PIK3C3: variants seen among roughly 807,000 people sequenced by gnomAD.
PIK3C3 encodes the protein PI3-kinase type 3.
In PIK3C3, 95 loss-of-function variants were observed where a neutral mutation model predicts 126.1. That is an observed-to-expected ratio of 0.75 (90% CI 0.64 to 0.89). PIK3C3 has a LOEUF of 0.89. Among genes scored for constraint, PIK3C3 ranks in the 40% least tolerant of loss-of-function variants. PIK3C3 has a pLI of 0.00. For synonymous variants in PIK3C3, 374 were observed against 360.0 expected (o/e 1.04, Z -0.44); for missense variants, 829 against 1,063.2 (o/e 0.78, Z 3.06).
intron 9 of PIK3C3, among the ~76,000 whole-genome samples, chr18:42,003,026 G>A (rs945319071): frequency 2.2e-4 from 34 of 152,168 alleles, no homozygotes; most frequent in African/African-American, 7.5e-4. Context: ...GTGGACCTGA[G>A]TTCTACATCT....
At position 41,995,460 on chromosome 18, in the gene PIK3C3, C is replaced by T. The variant is rs114945288; in HGVS notation, c.787-430C>T. Among the ~76,000 whole-genome samples the T allele has an allele frequency of 2.1e-3, 316 of 152,196 alleles. 2 individuals carry two copies. Among genetic ancestry groups the T allele is most frequent in the African/African-American group, 7.3e-3 (304 of 41,524 alleles). ...ATATTCAAGCGTTGTGATTATTGTC[C>T]TTGCCCTCAGTAACTGATAGCTTAA... is the stretch of plus-strand genomic sequence containing the variant. On this transcript the variant is annotated intron_variant, in intron 7 of 24. Coordinates refer to ENST00000262039, the MANE Select transcript of PIK3C3 (RefSeq NM_002647.4).
chr18:41,995,646 A>G (rs911865880), intron 7 of PIK3C3, among the ~76,000 whole-genome samples: 2 of 152,126 alleles, frequency 1.3e-5, no homozygotes, highest in African/African-American at 4.8e-5. Context: ...GAGTGAAGGG[A>G]CGATGTTTTA....
intron 21 of PIK3C3, chr18:42,050,671 A>G (rs1984762798): frequency 6.6e-6 from 1 of 152,238 alleles, no homozygotes; most frequent in South Asian, 2.1e-4. Flanking sequence ...TCCAAAATAG[A>G]TCATGAAGTT....
At chr18:42,014,445 G>A (rs1403904277) in intron 11 of PIK3C3, among the ~76,000 whole-genome samples, 5 of 152,170 alleles carry the variant, frequency 3.3e-5, no homozygotes, top group Non-Finnish European at 7.3e-5. Context: ...ACATTATCGT[G>A]TTACAACTGT....
At chr18:41,958,964 A>C (rs1979937564) in intron 2 of PIK3C3, among the ~76,000 whole-genome samples, 1 of 152,192 alleles carries the variant, frequency 6.6e-6, no homozygotes, top group South Asian at 2.1e-4. Context: ...TCTGTTTTTA[A>C]AGCATAACTA....
intron 14 of PIK3C3, among the ~76,000 whole-genome samples, chr18:42,028,804 A>G (rs1363661361): frequency 2.0e-5 from 3 of 152,238 alleles, no homozygotes; most frequent in Non-Finnish European, 4.4e-5. Flanking sequence ...ATAATATTTT[A>G]TGAACTAGGA....
intron 21 of PIK3C3, among the ~76,000 whole-genome samples, chr18:42,056,225 A>G (rs895785234): frequency 6.6e-6 from 1 of 152,170 alleles, no homozygotes; most frequent in Non-Finnish European, 1.5e-5. Flanking sequence ...TTGAAAATAC[A>G]TGGCTATTTA....
chr18:41,976,809 G>A (rs1980943571), intron 4 of PIK3C3, among the ~76,000 whole-genome samples: 1 of 152,128 alleles, frequency 6.6e-6, no homozygotes, highest in Non-Finnish European at 1.5e-5. Context: ...TGGGACTTAT[G>A]CACTACATTG....
At chr18:42,076,207 TGCAC>T (rs1986025502) in intron 24 of PIK3C3, among the ~76,000 whole-genome samples, 1 of 141,956 alleles carries the variant, frequency 7.0e-6, no homozygotes, top group African/African-American at 2.7e-5. Flanking sequence ...CATATATATA[TGCAC>T]ATATATATAT....
At chr18:41,987,921 T>C in intron 5 of PIK3C3, 23 bp downstream of exon 5, 1 of 1,317,720 alleles carries the variant, frequency 7.6e-7, no homozygotes, top group South Asian at 1.4e-5. Flanking sequence ...ACTCTTTTAT[T>C]TTAAAATATT....
chr18:42,046,173 A>T (rs1984549628), intron 20 of PIK3C3, among the ~76,000 whole-genome samples: 1 of 152,136 alleles, frequency 6.6e-6, no homozygotes, highest in African/African-American at 2.4e-5. Context: ...AACATTTCAC[A>T]TGTATTCATT....
At chr18:41,986,788 A>T (rs1055815180) in intron 4 of PIK3C3, among the ~76,000 whole-genome samples, 2 of 152,102 alleles carry the variant, frequency 1.3e-5, no homozygotes, top group African/African-American at 4.8e-5. Context: ...AAATTACCTC[A>T]CATGAAAGGG....
rs1458381648 is a variant in PIK3C3, at chr18:42,008,660, C to T, written c.1170+4119C>T. Among the ~76,000 whole-genome samples, 7 of 151,782 alleles carry T rather than the reference C, an allele frequency of 4.6e-5. No homozygotes were observed. The East Asian group carries it at 1.4e-3, about 29-fold the overall frequency. On this transcript the variant is annotated intron_variant, in intron 10 of 24. Transcript: ENST00000262039. ...CTCTTGGGAAGTATTTACAGAATTGCCTGAGATGGAAGCCTGGTTTTTTTT... is the reference window on the plus strand; with the variant it reads ...CTCTTGGGAAGTATTTACAGAATTGTCTGAGATGGAAGCCTGGTTTTTTTT...
chr18:41,982,369 A>T (rs536398740), intron 4 of PIK3C3, among the ~76,000 whole-genome samples: 2 of 152,282 alleles, frequency 1.3e-5, no homozygotes, highest in South Asian at 4.1e-4. Context: ...TTGTAGTTGG[A>T]TCTAGTTGAA....
At chr18:42,043,413 G>A (rs1344666610) in intron 19 of PIK3C3, among the ~76,000 whole-genome samples, 1 of 152,094 alleles carries the variant, frequency 6.6e-6, no homozygotes, top group Admixed American at 6.5e-5. Context: ...TTTTTTAATA[G>A]TACGTTAATC....
At position 41,987,786 on chromosome 18, in the gene PIK3C3, T is replaced by C. The variant is rs181714831; in HGVS notation, c.532-26T>C. ...TCTTTCTACTAGATGTATATTAAAATTTTCGTCATTGTATTTATTCTGCAG... is the reference window on the plus strand; with the variant it reads ...TCTTTCTACTAGATGTATATTAAAACTTTCGTCATTGTATTTATTCTGCAG... On this transcript the variant is annotated intron_variant, in intron 4 of 24. Transcript: ENST00000262039. The C allele has an allele frequency of 1.3e-5, 20 of 1,541,696 alleles. No homozygotes were observed. In the East Asian group the frequency reaches 4.5e-4, roughly 35 times the overall value.
intron 4 of PIK3C3, among the ~76,000 whole-genome samples, chr18:41,978,825 G>T (rs950284410): frequency 3.9e-5 from 6 of 152,020 alleles, no homozygotes; most frequent in Admixed American, 6.5e-5. Context: ...AACTGTCAGG[G>T]TTTTAACATT....
intron 12 of PIK3C3, 106 bp downstream of exon 12, chr18:42,015,672 A>G (rs1468118376): frequency 2.5e-5 from 19 of 761,394 alleles, no homozygotes; most frequent in Non-Finnish European, 3.8e-5. Flanking sequence ...AAATATTACA[A>G]CTTTATTAAA....
At chr18:41,971,679 GT>G (rs1568115509) in intron 4 of PIK3C3, among the ~76,000 whole-genome samples, 1 of 151,900 alleles carries the variant, frequency 6.6e-6, no homozygotes, top group Non-Finnish European at 1.5e-5. Context: ...ACCTTGAATA[GT>G]TAATATAAAT....
Sources: gnomAD v4.1 joint callset for allele counts (sites outside exome capture counted in the v4.1 genomes callset) on GRCh38, gnomAD v4.1.1 for gene constraint, MANE v1.5 for transcripts, NCBI Gene and HGNC (gene_info 2026-07-23, HGNC 2026-07-21) for gene names.